KCNJ12: variants seen among roughly 807,000 people sequenced by gnomAD.
KCNJ12 encodes potassium inwardly rectifying channel subfamily J member 12.
A neutral mutation model predicts 22.3 loss-of-function variants in KCNJ12; 2 were observed. The ratio of observed to expected loss-of-function variants is 0.09; its 90% CI spans 0.04 to 0.28. The LOEUF (loss-of-function observed/expected upper bound fraction) is 0.28. Among genes scored for constraint, KCNJ12 ranks in the 10% least tolerant of loss-of-function variants. KCNJ12 has a pLI of 1.00. For missense variants in KCNJ12, 155 were observed against 633.3 expected, an observed-to-expected ratio of 0.24 and a Z score of 8.11; for synonymous variants, 117 against 261.4, an observed-to-expected ratio of 0.45 and a Z score of 5.33.
chr17:21,409,412 A>T (rs1322571701), intron 2 of KCNJ12, among the ~76,000 whole-genome samples: 1 of 152,308 alleles, frequency 6.6e-6, no homozygotes, highest in Non-Finnish European at 1.5e-5. Context: ...GGCCCAGGAG[A>T]CAAAGGTTCC....
chr17:21,383,786 A>T (rs1235951975), intron 1 of KCNJ12, among the ~76,000 whole-genome samples: 1 of 152,194 alleles, frequency 6.6e-6, no homozygotes, highest in African/African-American at 2.4e-5. Context: ...TGAGCTCAGC[A>T]GGTGGCTGGG....
chr17:21,382,446 C>A (rs9913913), intron 1 of KCNJ12, among the ~76,000 whole-genome samples: 13,416 of 152,178 alleles, frequency 0.088, 1,774 homozygotes, highest in African/African-American at 0.28. Flanking sequence ...CCAGACTCCC[C>A]ACGGTCATTG....
chr17:21,378,125 C>T (rs1293637030), intron 1 of KCNJ12, among the ~76,000 whole-genome samples: 1 of 152,228 alleles, frequency 6.6e-6, no homozygotes, highest in Admixed American at 6.5e-5. Context: ...TTGGGCCTAG[C>T]CTTCGCCCCC....
At chr17:21,384,364 G>C (rs1555558405) in intron 1 of KCNJ12, among the ~76,000 whole-genome samples, 1 of 152,164 alleles carries the variant, frequency 6.6e-6, no homozygotes, top group East Asian at 1.9e-4. Context: ...TAGCTGCGTT[G>C]AGACAGAGAT....
In KCNJ12 at chr17:21,398,671, A is replaced by G. The variant is rs142196452; in HGVS notation, c.-178-9848A>G. Among the ~76,000 whole-genome samples, 51 of 152,258 alleles carry G rather than the reference A, an allele frequency of 3.3e-4. No individual in the cohort carries two copies. The East Asian group carries it at 8.5e-3, about 25-fold the overall frequency. On this transcript the variant is annotated intron_variant, in intron 1 of 2. Coordinates refer to ENST00000583088, the MANE Select transcript of KCNJ12 (RefSeq NM_021012.5). ...GCTTCCCGCTGTCACCTGCAAAGTA[A>G]ACTCCCTACTCCCAAATCCTTGACT...
chr17:21,406,795 A>G (rs1397836456), intron 1 of KCNJ12, among the ~76,000 whole-genome samples: 3 of 152,308 alleles, frequency 2.0e-5, no homozygotes, highest in African/African-American at 7.2e-5. Flanking sequence ...GTGACAAACC[A>G]GCCTTGGCTG....
intron 2 of KCNJ12, among the ~76,000 whole-genome samples, chr17:21,411,606 G>C (rs1359186883): frequency 1.3e-5 from 2 of 152,310 alleles, no homozygotes; most frequent in African/African-American, 2.4e-5. Context: ...CCCTTGAATT[G>C]CTTTGTGACC....
At chr17:21,383,354 C>T (rs574574674) in intron 1 of KCNJ12, among the ~76,000 whole-genome samples, 1 of 152,132 alleles carries the variant, frequency 6.6e-6, no homozygotes, top group African/African-American at 2.4e-5. Context: ...CCTCGGGGCT[C>T]CTGGTTCCGG....
At position 21,415,320 on chromosome 17, in the gene KCNJ12, G is replaced by A. The variant is rs782704540; in HGVS notation, c.-23G>A. ...CTGCCTGGAGCTAGCCTGGGGGCGA[G>A]CCAGGGTCCCCCAACCCCCGGGATG... On this transcript the variant is annotated 5_prime_UTR_variant, in exon 3 of 3. Coordinates refer to ENST00000583088, the MANE Select transcript of KCNJ12 (RefSeq NM_021012.5). The A allele has an allele frequency of 2.0e-5, 32 of 1,599,232 alleles. No homozygotes were observed. In the African/African-American group the frequency reaches 3.3e-4, roughly 17 times the overall value.
At chr17:21,395,182 C>T (rs1333720809) in intron 1 of KCNJ12, among the ~76,000 whole-genome samples, 1 of 151,568 alleles carries the variant, frequency 6.6e-6, no homozygotes, top group Non-Finnish European at 1.5e-5. Context: ...GTAGTCCTAG[C>T]TACCCGGGAG....
intron 2 of KCNJ12, among the ~76,000 whole-genome samples, chr17:21,413,878 A>G (rs1597582881): frequency 6.6e-6 from 1 of 152,288 alleles, no homozygotes; most frequent in African/African-American, 2.4e-5. Context: ...GGTGCTGGGA[A>G]CAGGTGACAC....
chr17:21,384,606 G>A (rs1349534936), intron 1 of KCNJ12, among the ~76,000 whole-genome samples: 1 of 152,158 alleles, frequency 6.6e-6, no homozygotes, highest in East Asian at 1.9e-4. Flanking sequence ...GAGGGGAGGC[G>A]CTCATTGCTG....
chr17:21,389,924 C>G (rs1905168448), intron 1 of KCNJ12, among the ~76,000 whole-genome samples: 1 of 152,122 alleles, frequency 6.6e-6, no homozygotes, highest in African/African-American at 2.4e-5. Context: ...TCAGGGCTGC[C>G]CATCAGCCTT....
At chr17:21,383,266 T>C (rs533806754) in intron 1 of KCNJ12, among the ~76,000 whole-genome samples, 5 of 152,290 alleles carry the variant, frequency 3.3e-5, no homozygotes, top group Non-Finnish European at 7.4e-5. Flanking sequence ...TCTCCAGCAC[T>C]TAAAGCAAAA....
chr17:21,384,716 C>T (rs543013795), intron 1 of KCNJ12, among the ~76,000 whole-genome samples: 2 of 151,388 alleles, frequency 1.3e-5, no homozygotes, highest in South Asian at 2.1e-4. Context: ...CAGGCTGGGG[C>T]AGGCCTCTGT....
chr17:21,388,129 G>A (rs1555558906), intron 1 of KCNJ12, among the ~76,000 whole-genome samples: 1 of 152,184 alleles, frequency 6.6e-6, no homozygotes, highest in Admixed American at 6.5e-5. Flanking sequence ...TCTGGCAGCT[G>A]CCGGCTCCTG....
chr17:21,401,032 G>A (rs77620072), intron 1 of KCNJ12, among the ~76,000 whole-genome samples: 1 of 152,304 alleles, frequency 6.6e-6, no homozygotes, highest in South Asian at 2.1e-4. Context: ...AGGCGGGGAA[G>A]TTGATGATTT....
At chr17:21,386,749 G>A (rs868993795) in intron 1 of KCNJ12, among the ~76,000 whole-genome samples, 7 of 152,064 alleles carry the variant, frequency 4.6e-5, no homozygotes, top group South Asian at 2.1e-4. Context: ...CTTGTGATCC[G>A]TCTACCTTGG....
At chr17:21,384,769 TG>T (rs1262845200) in intron 1 of KCNJ12, among the ~76,000 whole-genome samples, 46 of 120,576 alleles carry the variant, frequency 3.8e-4, no homozygotes, top group Non-Finnish European at 5.6e-4. Context: ...GTTGTTTGTT[TG>T]TTTTTTTTTT....
Sources: gnomAD v4.1 joint callset for allele counts (sites outside exome capture counted in the v4.1 genomes callset) on GRCh38, gnomAD v4.1.1 for gene constraint, MANE v1.5 for transcripts, NCBI Gene and HGNC (gene_info 2026-07-23, HGNC 2026-07-21) for gene names.